DRC12: variants seen among roughly 807,000 people sequenced by gnomAD.
DRC12 encodes the protein dynein regulatory complex protein 12.
chr11:119,194,297 A>G, the DRC12 span, among the ~76,000 whole-genome samples: 1 of 151,840 alleles, frequency 6.6e-6, no homozygotes, highest in Non-Finnish European at 1.5e-5. Flanking sequence ...GGTGGGACAC[A>G]AGGTCAAGAG....
the DRC12 span, among the ~76,000 whole-genome samples, chr11:119,192,838 G>C: frequency 1.3e-5 from 2 of 152,080 alleles, no homozygotes; most frequent in South Asian, 4.1e-4. Flanking sequence ...GTAGAGACGG[G>C]GTTTTGCCAT....
chr11:119,195,799 C>A, the DRC12 span: 6 of 263,588 alleles, frequency 2.3e-5, no homozygotes, highest in African/African-American at 1.1e-4. Flanking sequence ...CACTTCCTAC[C>A]TGTAGGATCC....
chr11:119,195,365 C>T, the DRC12 span: 55 of 1,451,572 alleles, frequency 3.8e-5, no homozygotes, highest in African/African-American at 9.9e-5. Context: ...AGGAGCTCTG[C>T]GTGGTCTTCA....
chr11:119,193,785 T>G, the DRC12 span: 1 of 1,551,646 alleles, frequency 6.4e-7, no homozygotes, highest in African/African-American at 1.4e-5. Flanking sequence ...TGGCCTTCCC[T>G]TCACTTCGGG....
chr11:119,191,768 T>A, the DRC12 span, among the ~76,000 whole-genome samples: 32 of 151,678 alleles, frequency 2.1e-4, no homozygotes, highest in African/African-American at 7.5e-4. Context: ...AGATTTGCCA[T>A]TGCACTCCAG....
the DRC12 span, chr11:119,193,081 G>A: frequency 7.5e-7 from 1 of 1,336,762 alleles, no homozygotes; most frequent in Non-Finnish European, 1.1e-6. Context: ...AGACTTTGAA[G>A]TCTACCCCTT....
chr11:119,190,458 G>A, the DRC12 span: 1 of 1,613,866 alleles, frequency 6.2e-7, no homozygotes, highest in African/African-American at 1.3e-5. The surrounding 1 kb of genome is among the most constrained non-coding windows in gnomAD (Gnocchi z 4.2). Flanking sequence ...CTGTCCTGCA[G>A]ACATCAATAT....
the DRC12 span, among the ~76,000 whole-genome samples, chr11:119,192,448 C>T: frequency 0.016 from 2,499 of 152,234 alleles, 63 homozygotes; most frequent in African/African-American, 0.057. Flanking sequence ...ATTTGGTGAA[C>T]AGTTATTTAG....
At chr11:119,193,344 G>A in the DRC12 span, 1 of 1,028,640 alleles carries the variant, frequency 9.7e-7, no homozygotes, top group South Asian at 1.3e-5. Context: ...TTGGTCTAGT[G>A]GAACAGGAGC....
At chr11:119,190,581 G>A in the DRC12 span, 1 of 1,550,820 alleles carries the variant, frequency 6.4e-7, no homozygotes, top group Non-Finnish European at 8.8e-7. The surrounding 1 kb of genome is among the most constrained non-coding windows in gnomAD (Gnocchi z 4.2). Context: ...CCTCAGGATA[G>A]AGCAGGGCTC....
chr11:119,192,670 A>G, the DRC12 span, among the ~76,000 whole-genome samples: 1 of 151,984 alleles, frequency 6.6e-6, no homozygotes. Flanking sequence ...TTTTTGAGAC[A>G]GAGTCTTGCT....
At chr11:119,195,244 T>C in the DRC12 span, 1 of 651,416 alleles carries the variant, frequency 1.5e-6, no homozygotes, top group East Asian at 2.7e-5. Context: ...AAGGAGAGCG[T>C]GGGTGACCAT....
chr11:119,190,284 G>A, the DRC12 span: 1 of 1,614,018 alleles, frequency 6.2e-7, no homozygotes. This position sits in a 1 kb window ranked among gnomAD's most constrained non-coding sequence, Gnocchi z 4.2. Context: ...CTTTATTGCT[G>A]GGGCCTCAGA....
the DRC12 span, chr11:119,193,793 G>C: frequency 1.0e-5 from 16 of 1,551,350 alleles, no homozygotes; most frequent in Non-Finnish European, 1.3e-5. Context: ...CCTTCACTTC[G>C]GGCCCCTTCC....
the DRC12 span, among the ~76,000 whole-genome samples, chr11:119,194,240 C>T: frequency 9.2e-5 from 14 of 151,900 alleles, no homozygotes; most frequent in Admixed American, 2.6e-4. Flanking sequence ...TAGGGCCAGG[C>T]GCGGTGGCTC....
the DRC12 span, chr11:119,190,907 G>T: frequency 1.3e-6 from 2 of 1,549,794 alleles, no homozygotes; most frequent in Non-Finnish European, 1.7e-6. This position sits in a 1 kb window ranked among gnomAD's most constrained non-coding sequence, Gnocchi z 4.2. Flanking sequence ...CTCTCCAAAG[G>T]TATCTGGAAA....
At chr11:119,193,629 G>A in the DRC12 span, 1 of 1,459,824 alleles carries the variant, frequency 6.9e-7, no homozygotes, top group Non-Finnish European at 9.1e-7. Context: ...TTCCTGATTT[G>A]TACTGTTTGG....
At chr11:119,193,093 A>C in the DRC12 span, 1 of 1,445,716 alleles carries the variant, frequency 6.9e-7, no homozygotes, top group Non-Finnish European at 9.7e-7. Context: ...CTACCCCTTC[A>C]TGCTGGCCCT....
At chr11:119,190,710 G>C in the DRC12 span, 707 of 1,613,246 alleles carry the variant, frequency 4.4e-4, no homozygotes, top group Middle Eastern at 6.6e-4. This position sits in a 1 kb window ranked among gnomAD's most constrained non-coding sequence, Gnocchi z 4.2. Flanking sequence ...TGGTGCTTAC[G>C]TGTAAGATTT....
Sources: gnomAD v4.1 joint callset for allele counts (sites outside exome capture counted in the v4.1 genomes callset) on GRCh38, gnomAD v4.1.1 for gene constraint, Gnocchi (gnomAD v3.1) non-coding constraint, MANE v1.5 for transcripts, NCBI Gene and HGNC (gene_info 2026-07-23, HGNC 2026-07-21) for gene names.